The following AOAH variants were observed in gnomAD, a reference collection of about 807,000 sequenced individuals.
AOAH encodes acyloxyacyl hydrolase.
Under a neutral mutation model 92.2 loss-of-function variants are expected in AOAH, and 64 were observed. The ratio of observed to expected loss-of-function variants is 0.69; its 90% CI spans 0.57 to 0.86. AOAH has a LOEUF of 0.86. AOAH is among the 40% of genes least tolerant of loss of function. AOAH has a pLI of 0.00. For missense variants in AOAH, 656 were observed against 694.6 expected (o/e 0.94, Z 0.62); for synonymous variants, 263 against 254.5 (o/e 1.03, Z -0.32).
At chr7:36,561,295 G>A (rs552823372) in intron 13 of AOAH, among the ~76,000 whole-genome samples, 29 of 152,158 alleles carry the variant, frequency 1.9e-4, no homozygotes, top group African/African-American at 5.5e-4. Context: ...ACCTGCCTTC[G>A]CCTCCCAAAG....
intron 14 of AOAH, among the ~76,000 whole-genome samples, chr7:36,549,149 G>A (rs1329669533): frequency 6.6e-6 from 1 of 152,060 alleles, no homozygotes; most frequent in African/African-American, 2.4e-5. Context: ...CCCCAAATAA[G>A]CATAAAAAAT....
chr7:36,635,664 T>A (rs1308636091), intron 5 of AOAH, among the ~76,000 whole-genome samples: 1 of 152,136 alleles, frequency 6.6e-6, no homozygotes, highest in Non-Finnish European at 1.5e-5. Context: ...ACGTAAATGG[T>A]GCTCCCCAAA....
chr7:36,615,583 C>T (rs767924956), intron 11 of AOAH, among the ~76,000 whole-genome samples: 3 of 152,146 alleles, frequency 2.0e-5, no homozygotes, highest in African/African-American at 4.8e-5. Flanking sequence ...GACTGCCCTT[C>T]CCTGCACCCT....
At chr7:36,540,093 A>AATTCT (rs1785319775) in intron 16 of AOAH, among the ~76,000 whole-genome samples, 1 of 152,170 alleles carries the variant, frequency 6.6e-6, no homozygotes, top group South Asian at 2.1e-4. Context: ...AATGTGTCCC[A>AATTCT]ATTCTTCATG....
chr7:36,513,012 C>A lies in AOAH; in HGVS notation c.*240G>T. On this transcript the variant is annotated 3_prime_UTR_variant, in exon 21 of 21. Coordinates refer to ENST00000617537, the MANE Select transcript of AOAH (RefSeq NM_001637.4). ...GATACTCTCTTGTTTGGAATGGCAC[C>A]CAAAGCACTTTATGAAAGGTTATTT... 1 of 1,523,656 alleles carries A rather than the reference C, an allele frequency of 6.6e-7. No individual in the cohort carries two copies. The allele number at this position is 1,523,656 out of a possible 1,614,324, so 94.4% of individuals were successfully genotyped here. A position where few individuals can be genotyped will look rare whatever the true frequency, so the allele number is the denominator to read the frequency against.
At chr7:36,687,546 T>C (rs913068225) in intron 1 of AOAH, among the ~76,000 whole-genome samples, 4 of 151,976 alleles carry the variant, frequency 2.6e-5, no homozygotes, top group Non-Finnish European at 5.9e-5. Context: ...CCTTTTTTTT[T>C]TTTTCCAAAG....
chr7:36,589,664 G>A (rs1284298397), intron 12 of AOAH, among the ~76,000 whole-genome samples: 2 of 152,198 alleles, frequency 1.3e-5, no homozygotes, highest in Non-Finnish European at 2.9e-5. Flanking sequence ...GTTGAGGAAT[G>A]CTAAATGTTC....
At chr7:36,674,682 C>T (rs1341524551) in intron 2 of AOAH, among the ~76,000 whole-genome samples, 1 of 152,156 alleles carries the variant, frequency 6.6e-6, no homozygotes, top group Admixed American at 6.5e-5. Flanking sequence ...ATTGTGGAGC[C>T]CTGGTAATTC....
At chr7:36,514,470 A>G (rs1333674891) in intron 20 of AOAH, 2 of 1,532,408 alleles carry the variant, frequency 1.3e-6, no homozygotes, top group African/African-American at 2.7e-5. Context: ...CCTGAGGCTT[A>G]CTCTCTGGTT....
At chr7:36,702,824 GT>G (rs1584152389) in intron 1 of AOAH, among the ~76,000 whole-genome samples, 1 of 152,096 alleles carries the variant, frequency 6.6e-6, no homozygotes, top group Non-Finnish European at 1.5e-5. Flanking sequence ...AGACAACGAA[GT>G]TTGCCACATT....
intron 12 of AOAH, among the ~76,000 whole-genome samples, chr7:36,581,258 C>T (rs1317570545): frequency 6.6e-6 from 1 of 152,216 alleles, no homozygotes; most frequent in East Asian, 1.9e-4. Context: ...ATGCAGCTCT[C>T]CTGAATCTAC....
At position 36,699,111 on chromosome 7, in the gene AOAH, T is replaced by A. The variant is rs566309253; in HGVS notation, c.128-12317A>T. 5.9e-5 allele frequency among the ~76,000 whole-genome samples: 9 copies of A among 152,222 alleles called. No individual in the cohort carries two copies. The South Asian group carries it at 1.9e-3, about 32-fold the overall frequency. Reference sequence around the variant, plus strand: ...CTTAATATAGGAACCTCCAGTTACATCCTTGTTGCTGCAAATGACAGGCTT... The same window carrying A: ...CTTAATATAGGAACCTCCAGTTACAACCTTGTTGCTGCAAATGACAGGCTT... On this transcript the variant is annotated intron_variant, in intron 1 of 20. Coordinates refer to ENST00000617537, the MANE Select transcript of AOAH (RefSeq NM_001637.4).
rs778956909 is a variant in AOAH at position 36,683,088 on chromosome 7, T to C, written c.223+3611A>G. Among the ~76,000 whole-genome samples, 28 of 152,304 alleles carry C rather than the reference T, an allele frequency of 1.8e-4. No homozygotes were observed. The Middle Eastern group carries it at 0.017, about 93-fold the overall frequency. On this transcript the variant is annotated intron_variant, in intron 2 of 20. Transcript: ENST00000617537. ...AAAAAAAATCTTCTGAACTTCAAAG[T>C]ATAAACAGCAAATAACTTGTAAGGA...
At chr7:36,659,758 T>TC (rs1391319568) in intron 3 of AOAH, among the ~76,000 whole-genome samples, 73 of 147,774 alleles carry the variant, frequency 4.9e-4, no homozygotes, top group East Asian at 2.2e-3. Context: ...TTTCTTTCTT[T>TC]TTTTTTTTTT....
At chr7:36,514,373 C>A in intron 20 of AOAH, 1 of 925,318 alleles carries the variant, frequency 1.1e-6, no homozygotes, top group Non-Finnish European at 1.6e-6. Context: ...GGGATCCTGG[C>A]AGGCTGTGAG....
In AOAH at chr7:36,649,157, T is replaced by C. The variant is rs1055010431; in HGVS notation, c.390+10009A>G. ...TAAAGCTTTGAGCTTCAAGTTCAGG[T>C]GGGCTGGCACCAGGATCTGTGCTCT... On this transcript the variant is annotated intron_variant, in intron 4 of 20. Coordinates refer to ENST00000617537, the MANE Select transcript of AOAH (RefSeq NM_001637.4). Among the ~76,000 whole-genome samples, 2 of 152,220 alleles carry C rather than the reference T, an allele frequency of 1.3e-5. 1 individual carries two copies. Among genetic ancestry groups the C allele is most frequent in the South Asian group, 4.1e-4 (2 of 4,836 alleles).
chr7:36,559,034 A>G (rs1211470364), intron 13 of AOAH, among the ~76,000 whole-genome samples: 1 of 152,216 alleles, frequency 6.6e-6, no homozygotes, highest in Non-Finnish European at 1.5e-5. Context: ...CCGGTACCTC[A>G]GATGGAAATG....
intron 12 of AOAH, among the ~76,000 whole-genome samples, chr7:36,590,685 G>T (rs1174147254): frequency 6.6e-6 from 1 of 152,168 alleles, no homozygotes; most frequent in African/African-American, 2.4e-5. Context: ...GGTAGGAAGC[G>T]CATTCTGGAG....
chr7:36,580,795 G>T (rs534341668), intron 12 of AOAH, among the ~76,000 whole-genome samples: 1 of 152,302 alleles, frequency 6.6e-6, no homozygotes, highest in African/African-American at 2.4e-5. Flanking sequence ...GGGGAACCCT[G>T]CTGTCAGCAT....
Sources: allele counts gnomAD v4.1 joint callset (sites outside exome capture counted in the v4.1 genomes callset), GRCh38; gene constraint gnomAD v4.1.1; transcripts MANE v1.5; gene names NCBI Gene and HGNC (gene_info 2026-07-23, HGNC 2026-07-21).